The following GPAT4 variants were observed in gnomAD, a reference collection of about 807,000 sequenced individuals.
GPAT4 encodes the protein glycerol-3-phosphate acyltransferase 4.
Under a neutral mutation model 58.0 loss-of-function variants are expected in GPAT4, and 17 were observed. The ratio of observed to expected loss-of-function variants is 0.29; its 90% CI spans 0.20 to 0.44. The LOEUF (loss-of-function observed/expected upper bound fraction) is 0.44. Among genes scored for constraint, GPAT4 ranks in the 20% least tolerant of loss-of-function variants. The pLI, the probability that GPAT4 is intolerant of heterozygous loss-of-function variation, is 1.00. For synonymous variants in GPAT4, 204 were observed against 210.1 expected (o/e 0.97, Z 0.25); for missense variants, 377 against 574.5 (o/e 0.66, Z 3.51).
rs188541738 is a variant in GPAT4, at chr8:41,600,100, G to T, written c.165+796G>T. On this transcript the variant is annotated intron_variant, in intron 2 of 12. Coordinates refer to ENST00000396987, the MANE Select transcript of GPAT4 (RefSeq NM_178819.4). The stretch of plus-strand genomic sequence containing the variant: ...GTCGCCCAGGCTGGAATGCAGTGGC[G>T]CAATCACGGCTCACTGCAACCCCTG... Among the ~76,000 whole-genome samples, 563 of 135,760 alleles carry T rather than the reference G, an allele frequency of 4.1e-3. 1 individual carries two copies. The highest frequency in any genetic ancestry group is 0.04 in the Middle Eastern group (9 of 226). 89.1% of individuals were successfully genotyped at this position (135,760 alleles called of 152,430 possible).
chr8:41,618,568 G>A, intron 10 of GPAT4, 116 bp from the exon 11 acceptor site: 1 of 1,334,420 alleles, frequency 7.5e-7, no homozygotes, highest in Non-Finnish European at 1.1e-6. Flanking sequence ...GCAAGGTCAG[G>A]GAGCAGCACC....
At chr8:41,595,751 CCT>C (rs764701442) in intron 1 of GPAT4, among the ~76,000 whole-genome samples, 16 of 151,984 alleles carry the variant, frequency 1.1e-4, no homozygotes, top group African/African-American at 3.4e-4. Context: ...TCTGCCTCTT[CCT>C]CTCTCTCTGC....
intron 1 of GPAT4, among the ~76,000 whole-genome samples, chr8:41,579,728 C>G (rs1802460745): frequency 6.6e-6 from 1 of 152,022 alleles, no homozygotes. Context: ...TTCCCAGCTA[C>G]TCGGGAGGCT....
At chr8:41,620,811 G>T (rs764486320) in intron 12 of GPAT4, 82 bp from the exon 13 acceptor site, 19 of 1,527,042 alleles carry the variant, frequency 1.2e-5, no homozygotes, top group Non-Finnish European at 1.6e-5. Context: ...TTGGTGTTTG[G>T]GCAGCATGGT....
intron 1 of GPAT4, among the ~76,000 whole-genome samples, chr8:41,597,356 A>G (rs1487729292): frequency 6.6e-6 from 1 of 152,212 alleles, no homozygotes; most frequent in Non-Finnish European, 1.5e-5. Flanking sequence ...GAGACTTGAT[A>G]GGATACTCCC....
In GPAT4 at chr8:41,609,492, T is replaced by G; in HGVS notation, c.235+7T>G. Reference sequence around the variant, plus strand: ...TACAAGCCCTACACCAACGGTAAGATGGGGGTGTGATCCTTGTCCTGAGAG... The same window carrying G: ...TACAAGCCCTACACCAACGGTAAGAGGGGGGTGTGATCCTTGTCCTGAGAG... On this transcript the variant is annotated splice_region_variant and intron_variant, in intron 3 of 12. Transcript: ENST00000396987. 6.2e-7 allele frequency: 1 copy of G among 1,613,994 alleles called. No individual in the cohort carries two copies. Among genetic ancestry groups the G allele is most frequent in the Non-Finnish European group, 8.5e-7 (1 of 1,179,872 alleles).
At chr8:41,606,030 T>C (rs1803260094) in intron 2 of GPAT4, among the ~76,000 whole-genome samples, 1 of 152,238 alleles carries the variant, frequency 6.6e-6, no homozygotes, top group South Asian at 2.1e-4. Context: ...CTTGGGAGGA[T>C]GGCAAGGGCT....
In GPAT4 at chr8:41,615,062, G is replaced by A. The variant is rs878983717; in HGVS notation, c.1053+14G>A. 4.4e-6 allele frequency: 7 copies of A among 1,600,958 alleles called. No individual in the cohort carries two copies. Among genetic ancestry groups the A allele is most frequent in the African/African-American group, 1.3e-5 (1 of 74,674 alleles). ...GTTGCTATCAAGGTATAAGACCTCC[G>A]ATGGTACACACTGTCATTACTGGAG... On this transcript the variant is annotated intron_variant, in intron 10 of 12. Transcript: ENST00000396987.
At chr8:41,587,971 T>G (rs1802698974) in intron 1 of GPAT4, among the ~76,000 whole-genome samples, 1 of 152,244 alleles carries the variant, frequency 6.6e-6, no homozygotes, top group Non-Finnish European at 1.5e-5. Context: ...TCAATTCGAA[T>G]TTCTCCATTT....
Position 41,620,949 on chromosome 8 carries a change from A to T in GPAT4, c.1319A>T (p.Lys440Met). ...VKDTFKEEQQ[K>M]LYSKMIVGNH... ...GACACGTTCAAGGAGGAGCAGCAGA[A>T]GCTGTACAGCAAGATGATCGTGGGG... The change falls in exon 13 of 13, where the codon AAG (lysine) becomes ATG (methionine). Residue 440 changes from lysine (K) to methionine (M), a missense_variant. Physicochemically the swap from Lys to Met is moderately conservative, Grantham distance 95 (BLOSUM62 -1). Transcript: ENST00000396987. 2.6e-6 allele frequency: 4 copies of T among 1,551,732 alleles called. No homozygotes were observed. The highest frequency in any genetic ancestry group is 3.5e-6 in the Non-Finnish European group (4 of 1,147,280).
intron 11 of GPAT4, 35 bp downstream of exon 11, chr8:41,618,847 C>T (rs1803671810): frequency 6.2e-7 from 1 of 1,614,122 alleles, no homozygotes; most frequent in African/African-American, 1.3e-5. Flanking sequence ...TGCGCCTGCT[C>T]TGTGTAACGT....
chr8:41,578,931 A>G (rs1802437026), intron 1 of GPAT4, among the ~76,000 whole-genome samples: 1 of 152,192 alleles, frequency 6.6e-6, no homozygotes, highest in African/African-American at 2.4e-5. Context: ...GTGTAGCACG[A>G]TGGAAATAAG....
In GPAT4 at chr8:41,614,383, A is replaced by G; in HGVS notation, c.912-3A>G. The G allele has an allele frequency of 6.2e-7, 1 of 1,613,660 alleles. No homozygotes were observed. The highest frequency in any genetic ancestry group is 1.3e-5 in the African/African-American group (1 of 75,016). On this transcript the variant is annotated splice_polypyrimidine_tract_variant and splice_region_variant and intron_variant, in intron 8 of 12. Transcript: ENST00000396987. ...CCCTTTATTTTATTTTCTTCTTTGAAAGACTGACTGAACATGTGCAAGATA... is the reference window on the plus strand; with the variant it reads ...CCCTTTATTTTATTTTCTTCTTTGAGAGACTGACTGAACATGTGCAAGATA...
chr8:41,605,420 A>C (rs749488597), intron 2 of GPAT4, among the ~76,000 whole-genome samples: 8 of 152,248 alleles, frequency 5.3e-5, no homozygotes, highest in Non-Finnish European at 1.0e-4. Flanking sequence ...ACAGTTGATA[A>C]AGGTGAAAAG....
intron 9 of GPAT4, among the ~76,000 whole-genome samples, chr8:41,614,681 C>A (rs1297342394): frequency 6.6e-5 from 10 of 152,212 alleles, no homozygotes; most frequent in Admixed American, 5.2e-4. Flanking sequence ...TGTTTCAGCT[C>A]CTCACAGAGC....
chr8:41,595,428 C>G (rs548841740), intron 1 of GPAT4, among the ~76,000 whole-genome samples: 146 of 129,784 alleles, frequency 1.1e-3, no homozygotes, highest in African/African-American at 4.0e-3. Context: ...CTACTTTCTT[C>G]TGTTAGCAAA....
In GPAT4 at chr8:41,614,443, TAAG is replaced by T. The variant is rs1337406966; in HGVS notation, c.967+6_967+8del. ...TGCCTATCCTCATCTTCCCAGAAGG[TAAG>T]AAGGGGTTGGTTGCCACGAAGGGCT... On this transcript the variant is annotated splice_donor_5th_base_variant and intron_variant, in intron 9 of 12. Coordinates refer to ENST00000396987, the MANE Select transcript of GPAT4 (RefSeq NM_178819.4). 1 of 1,613,896 alleles carries T rather than the reference TAAG, an allele frequency of 6.2e-7. No homozygotes were observed. The highest frequency in any genetic ancestry group is 8.5e-7 in the Non-Finnish European group (1 of 1,179,958).
chr8:41,579,383 T>G (rs776874622), intron 1 of GPAT4, among the ~76,000 whole-genome samples: 15 of 152,114 alleles, frequency 9.9e-5, no homozygotes, highest in Admixed American at 5.2e-4. Context: ...GATGAGTCTG[T>G]CAAAAGTAGC....
intron 1 of GPAT4, chr8:41,584,640 A>C (rs1009947030): frequency 6.6e-6 from 1 of 152,218 alleles, no homozygotes; most frequent in African/African-American, 2.4e-5. Flanking sequence ...ACTGGTATTG[A>C]AATTGAGCCA....
Sources: gnomAD v4.1 joint callset for allele counts (sites outside exome capture counted in the v4.1 genomes callset) on GRCh38, gnomAD v4.1.1 for gene constraint, MANE v1.5 for transcripts, NCBI Gene and HGNC (gene_info 2026-07-23, HGNC 2026-07-21) for gene names.